The following CHD1L variants were observed in gnomAD, a reference collection of about 807,000 sequenced individuals.
CHD1L encodes the protein ATP-dependent chromatin remodeler CHD1L.
A neutral mutation model predicts 115.9 loss-of-function variants in CHD1L; 118 were observed. The ratio of observed to expected loss-of-function variants is 1.02; its 90% CI spans 0.88 to 1.19. The LOEUF (loss-of-function observed/expected upper bound fraction) is 1.19, where lower values mean the gene tolerates loss of function less well. Among genes scored for constraint, CHD1L ranks in the 50% most tolerant of loss-of-function variants. The pLI is 0.00. For missense variants in CHD1L, 1,179 were observed against 1,065.3 expected (o/e 1.11, Z -1.49); for synonymous variants, 411 against 387.1 (o/e 1.06, Z -0.72).
Position 147,291,513 on chromosome 1 carries a change from T to C in CHD1L, c.2352T>C (p.Pro784=). The C allele has an allele frequency of 6.2e-7, 1 of 1,614,044 alleles. No individual in the cohort carries two copies. The highest frequency in any genetic ancestry group is 8.5e-7 in the Non-Finnish European group (1 of 1,179,944). ...GTTTGGGAGGTGTCCTTTTATTTCC[T>C]GTTGATGATAAAGAATCAAGAAACA... is the stretch of plus-strand genomic sequence containing the variant. ...DLSLGGVLLF[P]VDDKESRNKG... is the part of the protein sequence containing the mutation. Residue 784 remains proline, a synonymous_variant, in exon 20 of 23, where the codon CCT becomes CCC. Transcript: ENST00000369258.
chr1:147,241,962 T>A (rs1360338289), upstream of CHD1L, among the ~76,000 whole-genome samples: 1 of 152,182 alleles, frequency 6.6e-6, no homozygotes, highest in African/African-American at 2.4e-5. Context: ...AAAATATACT[T>A]AAAGCCCTTA....
At chr1:147,203,405 A>T in the CHD1L span, 1 of 940,348 alleles carries the variant, frequency 1.1e-6, no homozygotes, top group Non-Finnish European at 1.8e-6. Context: ...TTGATAGACC[A>T]GTGTTTTCCC....
At chr1:147,241,319 G>C (rs1231423834), upstream of CHD1L, among the ~76,000 whole-genome samples, 4 of 152,112 alleles carry the variant, frequency 2.6e-5, no homozygotes, top group African/African-American at 9.7e-5. Flanking sequence ...TTTGCCTTAA[G>C]TAATGACATT....
the CHD1L span, among the ~76,000 whole-genome samples, chr1:147,218,065 C>T: frequency 6.6e-6 from 1 of 152,144 alleles, no homozygotes; most frequent in East Asian, 1.9e-4. Flanking sequence ...CTCAAAAAGA[C>T]TTCAATAAGA....
At chr1:147,192,081 A>C in the CHD1L span, among the ~76,000 whole-genome samples, 1 of 152,108 alleles carries the variant, frequency 6.6e-6, no homozygotes, top group African/African-American at 2.4e-5. Flanking sequence ...GATGGCATTT[A>C]ATCTATAAAT....
chr1:147,264,387 A>G (rs1055964860), intron 6 of CHD1L, 35 bp from the exon 7 acceptor site: 6 of 1,518,764 alleles, frequency 4.0e-6, no homozygotes, highest in South Asian at 2.5e-5. Flanking sequence ...TTCCAGTGTT[A>G]TGGAATTTTT....
At chr1:147,207,726 G>A in the CHD1L span, among the ~76,000 whole-genome samples, 90 of 152,200 alleles carry the variant, frequency 5.9e-4, no homozygotes, top group African/African-American at 2.1e-3. Flanking sequence ...CCCTGGTTCC[G>A]GGAATACCTC....
the CHD1L span, among the ~76,000 whole-genome samples, chr1:147,205,762 A>T: frequency 6.6e-6 from 1 of 152,198 alleles, no homozygotes; most frequent in Admixed American, 6.5e-5. Flanking sequence ...TACAAAAATT[A>T]ATTCAAAATG....
At chr1:147,263,639 A>AT (rs1248791107) in intron 6 of CHD1L, among the ~76,000 whole-genome samples, 13 of 134,562 alleles carry the variant, frequency 9.7e-5, no homozygotes, top group African/African-American at 1.1e-4. Flanking sequence ...ATTTAAGGAC[A>AT]TTTTTTTTCC....
intron 5 of CHD1L, among the ~76,000 whole-genome samples, chr1:147,257,461 A>G (rs1571736027): frequency 6.6e-6 from 1 of 152,058 alleles, no homozygotes; most frequent in East Asian, 1.9e-4. Flanking sequence ...TTTATTATTA[A>G]TATTCAACTT....
the CHD1L span, chr1:147,223,961 C>A: frequency 2.6e-6 from 1 of 388,564 alleles, no homozygotes; most frequent in East Asian, 8.2e-5. Context: ...ACCCGTCTTT[C>A]CAGCAGGGGT....
At chr1:147,230,868 T>C in the CHD1L span, among the ~76,000 whole-genome samples, 1 of 151,754 alleles carries the variant, frequency 6.6e-6, no homozygotes, top group Non-Finnish European at 1.5e-5. Flanking sequence ...CCCTTTATCA[T>C]TTTTATTGCA....
chr1:147,276,367 TC>T, intron 14 of CHD1L, 110 bp downstream of exon 14: 1 of 1,146,970 alleles, frequency 8.7e-7, no homozygotes, highest in Non-Finnish European at 1.2e-6. Flanking sequence ...ACACATTTGT[TC>T]CTTGGCCTCC....
At chr1:147,208,444 C>CTT in the CHD1L span, 9,484 of 145,540 alleles carry the variant, frequency 0.065, 512 homozygotes, top group African/African-American at 0.088. Flanking sequence ...CTTTTCTTTT[C>CTT]TTTTTTTTTT....
chr1:147,179,224 C>T, the CHD1L span: 1 of 1,613,592 alleles, frequency 6.2e-7, no homozygotes, highest in Non-Finnish European at 8.5e-7. Flanking sequence ...TGAACCTATC[C>T]CAGAGAGCAA....
chr1:147,219,558 C>A, the CHD1L span, among the ~76,000 whole-genome samples: 4 of 151,938 alleles, frequency 2.6e-5, no homozygotes, highest in African/African-American at 7.3e-5. Flanking sequence ...ACACTTTTCC[C>A]CTAAGACTGG....
In CHD1L at chr1:147,256,672, A is replaced by G. The variant is rs1165502363; in HGVS notation, c.494+110A>G. On this transcript the variant is annotated intron_variant, in intron 5 of 22. Coordinates refer to ENST00000369258, the MANE Select transcript of CHD1L (RefSeq NM_004284.6). ...TCCTGGCATGTCTGGTATGTCTTCCATGAGTTCTGTTTATGGGTAGGCGGC... is the reference window on the plus strand; with the variant it reads ...TCCTGGCATGTCTGGTATGTCTTCCGTGAGTTCTGTTTATGGGTAGGCGGC... 4.7e-6 allele frequency: 5 copies of G among 1,057,864 alleles called. No individual in the cohort carries two copies. In the East Asian group the frequency reaches 1.2e-4, roughly 25 times the overall value. The allele number at this position is 1,057,864 out of a possible 1,614,324, so 65.5% of individuals were successfully genotyped here.
chr1:147,178,186 T>A, the CHD1L span: 1 of 1,612,124 alleles, frequency 6.2e-7, no homozygotes, highest in Non-Finnish European at 8.5e-7. Flanking sequence ...CGCGGCTGCC[T>A]CCGACGTGCT....
chr1:147,241,055 G>C (rs1163471936), upstream of CHD1L, among the ~76,000 whole-genome samples: 3 of 151,914 alleles, frequency 2.0e-5, no homozygotes, highest in East Asian at 5.8e-4. Context: ...TGGAGGGGCA[G>C]GCCACCCCTT....
Sources: gnomAD v4.1 joint callset for allele counts (sites outside exome capture counted in the v4.1 genomes callset) on GRCh38, gnomAD v4.1.1 for gene constraint, MANE v1.5 for transcripts, NCBI Gene and HGNC (gene_info 2026-07-23, HGNC 2026-07-21) for gene names.